The following HSD17B12 variants were observed in gnomAD, a reference collection of about 807,000 sequenced individuals.
HSD17B12 encodes very-long-chain 3-oxoacyl-CoA reductase.
A neutral mutation model predicts 39.3 loss-of-function variants in HSD17B12; 32 were observed. That is an observed-to-expected ratio of 0.81 (90% CI 0.61 to 1.09). HSD17B12 has a LOEUF of 1.09. Ranked by LOEUF, HSD17B12 falls within the 50% of genes least tolerant of loss-of-function variation. The pLI is 0.00. For missense variants in HSD17B12, 342 were observed against 382.9 expected (o/e 0.89, Z 0.89); for synonymous variants, 150 against 146.7 (o/e 1.02, Z -0.16).
At chr11:43,658,554 C>T in the HSD17B12 span, among the ~76,000 whole-genome samples, 4 of 152,138 alleles carry the variant, frequency 2.6e-5, no homozygotes, top group Non-Finnish European at 5.9e-5. Context: ...ATGATGGTGA[C>T]ATACAGATGG....
Position 43,708,710 on chromosome 11 carries a change from C to T in HSD17B12, c.160+27723C>T, listed in dbSNP as rs112289197. Among the ~76,000 whole-genome samples the T allele has an allele frequency of 9.8e-5, 15 of 152,308 alleles. 1 individual carries two copies. The highest frequency in any genetic ancestry group is 2.4e-4 in the African/African-American group (10 of 41,568). The stretch of plus-strand genomic sequence containing the variant: ...GCCTAAAATGGATCATTTCTACCAT[C>T]GTATTTTATCTTCCTTGTTTTCCAC... On this transcript the variant is annotated intron_variant, in intron 1 of 10. Transcript: ENST00000278353.
At chr11:43,690,727 A>G (rs1011192259) in intron 1 of HSD17B12, among the ~76,000 whole-genome samples, 4 of 151,992 alleles carry the variant, frequency 2.6e-5, no homozygotes, top group Non-Finnish European at 4.4e-5. Context: ...CTGGAACTAG[A>G]TTACCTACTT....
intron 6 of HSD17B12, among the ~76,000 whole-genome samples, chr11:43,822,978 T>C (rs1038839446): frequency 1.3e-5 from 2 of 152,172 alleles, no homozygotes; most frequent in African/African-American, 4.8e-5. Context: ...AAGCAGGGGA[T>C]TATATATTAA....
chr11:43,846,450 G>A (rs1951475657), intron 9 of HSD17B12, among the ~76,000 whole-genome samples: 1 of 152,190 alleles, frequency 6.6e-6, no homozygotes, highest in African/African-American at 2.4e-5. Context: ...GATCACTTGA[G>A]GTCAGGAGTT....
At position 43,815,506 on chromosome 11, in the gene HSD17B12, GTCTT is replaced by G; in HGVS notation, c.456+11_456+14del. Reference sequence around the variant, plus strand: ...GATGTTCCTGACTTGGACAATGTAAGTCTTTCTTTGTGTATTATGGTAACAAAAA... The same window carrying G: ...GATGTTCCTGACTTGGACAATGTAAGTCTTTGTGTATTATGGTAACAAAAA... On this transcript the variant is annotated splice_donor_region_variant and intron_variant, in intron 5 of 10. Transcript: ENST00000278353. 2.0e-6 allele frequency: 3 copies of G among 1,537,356 alleles called. No individual in the cohort carries two copies. The highest frequency in any genetic ancestry group is 1.7e-4 in the Middle Eastern group (1 of 5,864).
chr11:43,715,725 G>A (rs567178264), intron 1 of HSD17B12, among the ~76,000 whole-genome samples: 13 of 152,232 alleles, frequency 8.5e-5, no homozygotes, highest in South Asian at 4.2e-4. Flanking sequence ...TGTACCTCTC[G>A]TAGAATTTGG....
chr11:43,826,775 GTTC>G (rs1194937625), intron 6 of HSD17B12, among the ~76,000 whole-genome samples: 1 of 152,118 alleles, frequency 6.6e-6, no homozygotes, highest in East Asian at 1.9e-4. Context: ...ATTAAGTTGT[GTTC>G]TTTTTTACCG....
At chr11:43,733,189 T>C (rs1477425129) in intron 1 of HSD17B12, among the ~76,000 whole-genome samples, 1 of 152,264 alleles carries the variant, frequency 6.6e-6, no homozygotes, top group Admixed American at 6.5e-5. Context: ...TATTGCTGAA[T>C]GCGTCTGTTA....
At chr11:43,850,836 C>T (rs556082837) in intron 9 of HSD17B12, among the ~76,000 whole-genome samples, 14 of 152,112 alleles carry the variant, frequency 9.2e-5, no homozygotes, top group Admixed American at 2.6e-4. Context: ...CTGAGGCAGG[C>T]GGATCACCTG....
chr11:43,654,356 T>A, the HSD17B12 span, among the ~76,000 whole-genome samples: 1 of 152,180 alleles, frequency 6.6e-6, no homozygotes, highest in Non-Finnish European at 1.5e-5. Context: ...GCCTGTTCAC[T>A]CTGATGGTGG....
upstream of HSD17B12, chr11:43,680,627 A>T (rs888033153): frequency 1.7e-6 from 1 of 594,018 alleles, no homozygotes; most frequent in Admixed American, 3.0e-5. Context: ...GAGTCAGCTA[A>T]TGGCTGACGC....
intron 2 of HSD17B12, among the ~76,000 whole-genome samples, chr11:43,751,355 A>T (rs1055053920): frequency 2.0e-5 from 3 of 152,184 alleles, no homozygotes; most frequent in African/African-American, 7.2e-5. Flanking sequence ...CACAAGAAGG[A>T]CTGTGATTAA....
At chr11:43,785,101 T>C (rs1950803760) in intron 3 of HSD17B12, among the ~76,000 whole-genome samples, 1 of 152,168 alleles carries the variant, frequency 6.6e-6, no homozygotes, top group Non-Finnish European at 1.5e-5. Flanking sequence ...ACAGGGTTTT[T>C]TTTTTTGCTA....
At chr11:43,714,801 G>A (rs1461834310) in intron 1 of HSD17B12, among the ~76,000 whole-genome samples, 2 of 152,062 alleles carry the variant, frequency 1.3e-5, no homozygotes, top group Admixed American at 6.6e-5. Flanking sequence ...TTATTTCGTT[G>A]AGCAGTGGTT....
intron 1 of HSD17B12, among the ~76,000 whole-genome samples, chr11:43,691,868 G>T (rs1188693236): frequency 6.6e-6 from 1 of 152,164 alleles, no homozygotes; most frequent in Non-Finnish European, 1.5e-5. Flanking sequence ...GTAGGTTTTG[G>T]TGGTTGTTGC....
intron 4 of HSD17B12, among the ~76,000 whole-genome samples, chr11:43,805,018 A>T (rs1951005286): frequency 6.6e-6 from 1 of 152,188 alleles, no homozygotes; most frequent in Non-Finnish European, 1.5e-5. Context: ...TAGGAGAGAG[A>T]ACCAAGGCAC....
At chr11:43,654,867 T>C in the HSD17B12 span, among the ~76,000 whole-genome samples, 1 of 152,230 alleles carries the variant, frequency 6.6e-6, no homozygotes, top group African/African-American at 2.4e-5. Flanking sequence ...TAGGATTGAC[T>C]TGGCAATGCG....
At chr11:43,848,137 G>A (rs771981963) in intron 9 of HSD17B12, among the ~76,000 whole-genome samples, 1 of 152,142 alleles carries the variant, frequency 6.6e-6, no homozygotes, top group Non-Finnish European at 1.5e-5. Context: ...TTGTGCATAT[G>A]GAGTCTAAAT....
upstream of HSD17B12, among the ~76,000 whole-genome samples, chr11:43,677,010 G>A (rs1949699361): frequency 6.6e-6 from 1 of 152,084 alleles, no homozygotes; most frequent in Non-Finnish European, 1.5e-5. Flanking sequence ...AGAGTGGTGG[G>A]CCTTTAGTTG....
Sources: gnomAD v4.1 joint callset for allele counts (sites outside exome capture counted in the v4.1 genomes callset) on GRCh38, gnomAD v4.1.1 for gene constraint, MANE v1.5 for transcripts, NCBI Gene and HGNC (gene_info 2026-07-23, HGNC 2026-07-21) for gene names.